Variants in ROBO1 observed in about 807,000 individuals in gnomAD.
ROBO1 encodes roundabout guidance receptor 1.
A neutral mutation model predicts 195.9 loss-of-function variants in ROBO1; 149 were observed. The ratio of observed to expected loss-of-function variants is 0.76; its 90% confidence interval spans 0.67 to 0.87. The LOEUF (loss-of-function observed/expected upper bound fraction) is 0.87. Among genes scored for constraint, ROBO1 ranks in the 40% least tolerant of loss-of-function variants. The pLI is 0.00. For synonymous variants in ROBO1, 816 were observed against 733.2 expected, an observed-to-expected ratio of 1.11 and a Z score of -1.82; for missense variants, 1,933 against 2,068.3, an observed-to-expected ratio of 0.93 and a Z score of 1.27.
chr3:78,684,059 T>C (rs2080995421), intron 10 of ROBO1, among the ~76,000 whole-genome samples: 1 of 152,064 alleles, frequency 6.6e-6, no homozygotes, highest in East Asian at 1.9e-4. Flanking sequence ...AGTATGTATG[T>C]CCACTAAAGG....
intron 3 of ROBO1, among the ~76,000 whole-genome samples, chr3:78,990,973 T>C (rs974083733): frequency 2.6e-5 from 4 of 152,236 alleles, no homozygotes; most frequent in Non-Finnish European, 5.9e-5. Context: ...ACTCAGTCTG[T>C]GGTTGTTCCA....
intron 3 of ROBO1, among the ~76,000 whole-genome samples, chr3:78,944,002 G>A (rs1009003555): frequency 6.6e-6 from 1 of 152,130 alleles, no homozygotes; most frequent in African/African-American, 2.4e-5. Context: ...ATTATTATTT[G>A]TTATAAAGTC....
chr3:79,026,598 A>C (rs1421335433), intron 3 of ROBO1, among the ~76,000 whole-genome samples: 1 of 152,182 alleles, frequency 6.6e-6, no homozygotes, highest in South Asian at 2.1e-4. Flanking sequence ...TATATTGTAC[A>C]TGTTGGTTAA....
At chr3:78,862,750 G>T (rs2034928785) in intron 4 of ROBO1, among the ~76,000 whole-genome samples, 1 of 152,088 alleles carries the variant, frequency 6.6e-6, no homozygotes, top group South Asian at 2.1e-4. Context: ...CTACCCTGAA[G>T]ATACTTCAGA....
intron 1 of ROBO1, among the ~76,000 whole-genome samples, chr3:79,714,942 T>G (rs1189837733): frequency 6.6e-6 from 1 of 151,688 alleles, no homozygotes; most frequent in Non-Finnish European, 1.5e-5. Flanking sequence ...GGCACATGTA[T>G]ACATATGTAA....
At chr3:79,054,453 T>G (rs1252630939) in intron 3 of ROBO1, among the ~76,000 whole-genome samples, 2 of 152,038 alleles carry the variant, frequency 1.3e-5, no homozygotes, top group Non-Finnish European at 2.9e-5. Flanking sequence ...GGCCATGCAT[T>G]CCATCCAATG....
chr3:78,898,272 T>A (rs2037360535), intron 4 of ROBO1, among the ~76,000 whole-genome samples: 1 of 150,638 alleles, frequency 6.6e-6, no homozygotes, highest in Admixed American at 6.6e-5. Flanking sequence ...TTTTTGTTAA[T>A]TTTTTATGCT....
At chr3:79,760,382 C>A (rs1178348034) in intron 1 of ROBO1, among the ~76,000 whole-genome samples, 2 of 139,308 alleles carry the variant, frequency 1.4e-5, no homozygotes, top group Admixed American at 7.4e-5. Flanking sequence ...AAAAGGTAAT[C>A]AATTTTAACA....
chr3:79,107,127 TCACA>T lies in ROBO1; in HGVS notation c.172+18325_172+18328del, dbSNP rs369021063. Among the ~76,000 whole-genome samples, 993 of 136,330 alleles carry T rather than the reference TCACA, an allele frequency of 7.3e-3. 11 individuals are homozygous for T. The highest frequency in any genetic ancestry group is 0.042 in the East Asian group (194 of 4,612). The allele number at this position is 136,330 out of a possible 152,430, so 89.4% of individuals were successfully genotyped here. On this transcript the variant is annotated intron_variant, in intron 3 of 30. Coordinates refer to ENST00000464233, the MANE Select transcript of ROBO1 (RefSeq NM_002941.4). Reference sequence around the variant, plus strand: ...CTCTTTCTCTCTCTCTCTCTCTCTCTCACACACACACACACACACACACACACAC... The same window carrying T: ...CTCTTTCTCTCTCTCTCTCTCTCTCTCACACACACACACACACACACACAC...
intron 3 of ROBO1, among the ~76,000 whole-genome samples, chr3:79,087,187 C>T (rs2108478705): frequency 6.6e-6 from 1 of 152,056 alleles, no homozygotes; most frequent in Middle Eastern, 3.4e-3. Flanking sequence ...AACTTAGATA[C>T]ACAACTCTAG....
intron 4 of ROBO1, among the ~76,000 whole-genome samples, chr3:78,885,868 T>C (rs911891081): frequency 6.9e-6 from 1 of 144,718 alleles, no homozygotes; most frequent in Non-Finnish European, 1.5e-5. Flanking sequence ...AGAAATGAAG[T>C]AAAATGGCAT....
At chr3:79,627,221 G>A (rs1439854022) in intron 1 of ROBO1, among the ~76,000 whole-genome samples, 2 of 152,114 alleles carry the variant, frequency 1.3e-5, no homozygotes, top group Non-Finnish European at 1.5e-5. Flanking sequence ...GAACAAAGGT[G>A]GAGGCATCAC....
intron 1 of ROBO1, among the ~76,000 whole-genome samples, chr3:79,717,357 T>G (rs2107271104): frequency 6.6e-6 from 1 of 152,056 alleles, no homozygotes; most frequent in African/African-American, 2.4e-5. Flanking sequence ...GAACATACAC[T>G]TTTATTTCTG....
chr3:79,589,376 T>G (rs1943925102), intron 2 of ROBO1, among the ~76,000 whole-genome samples: 1 of 151,708 alleles, frequency 6.6e-6, no homozygotes, highest in African/African-American at 2.4e-5. Context: ...TTTTTATTCT[T>G]ACATTGTTCA....
intron 1 of ROBO1, among the ~76,000 whole-genome samples, chr3:79,618,409 C>T (rs542610683): frequency 6.6e-6 from 1 of 152,170 alleles, no homozygotes; most frequent in Non-Finnish European, 1.5e-5. Flanking sequence ...CCTGCCTGAA[C>T]TGATGACATT....
rs1944411910 is a variant in ROBO1 at position 79,603,992 on chromosome 3, C to A, written c.-50-14031G>T. 2.0e-5 allele frequency among the ~76,000 whole-genome samples: 3 copies of A among 152,006 alleles called. No individual in the cohort carries two copies. The South Asian group carries it at 6.2e-4, about 31-fold the overall frequency. ...ACAGTTAAAGCTCACTCTGTTTCAA[C>A]AAGTGATACACAACAGGTACTCTCA... On this transcript the variant is annotated intron_variant, in intron 1 of 30. Transcript: ENST00000464233.
chr3:79,195,464 C>T (rs1184582940), intron 2 of ROBO1, among the ~76,000 whole-genome samples: 2 of 151,484 alleles, frequency 1.3e-5, no homozygotes, highest in African/African-American at 2.4e-5. Flanking sequence ...AGCAGGGAAC[C>T]ACTTACTGAT....
At chr3:78,937,309 G>C (rs1490550905) in intron 4 of ROBO1, among the ~76,000 whole-genome samples, 1 of 151,490 alleles carries the variant, frequency 6.6e-6, no homozygotes, top group Non-Finnish European at 1.5e-5. Context: ...AGTTATAGTT[G>C]AATTTTGAAG....
chr3:79,488,966 CCCTCT>C (rs1396392572), intron 2 of ROBO1, among the ~76,000 whole-genome samples: 6 of 152,002 alleles, frequency 3.9e-5, no homozygotes, highest in Admixed American at 1.3e-4. Context: ...ACTGATTCTC[CCCTCT>C]CCTCCACAGT....
Sources: allele counts gnomAD v4.1 joint callset (sites outside exome capture counted in the v4.1 genomes callset), GRCh38; gene constraint gnomAD v4.1.1; transcripts MANE v1.5; gene names NCBI Gene and HGNC (gene_info 2026-07-23, HGNC 2026-07-21).